The following ABR variants were observed in gnomAD, a reference collection of about 807,000 sequenced individuals.
The protein encoded by ABR is active breakpoint cluster region-related protein.
Under a neutral mutation model 107.2 loss-of-function variants are expected in ABR, and 35 were observed. The observed-to-expected ratio is 0.33, with a 90% confidence interval of 0.25 to 0.43. ABR has a LOEUF of 0.43. Among genes scored for constraint, ABR ranks in the 20% least tolerant of loss-of-function variants. The pLI is 1.00. For missense variants in ABR, 815 were observed against 1,115.2 expected, an observed-to-expected ratio of 0.73 and a Z score of 3.83; for synonymous variants, 498 against 462.0, an observed-to-expected ratio of 1.08 and a Z score of -1.00.
At chr17:1,091,927 G>A (rs1597771111) in intron 3 of ABR, 77 bp from the exon 4 acceptor site, 15 of 1,437,924 alleles carry the variant, frequency 1.0e-5, no homozygotes, top group African/African-American at 1.4e-5. Flanking sequence ...GGGGCCGATC[G>A]TTAGCCCTTC....
chr17:1,183,358 A>G (rs915675321), upstream of ABR, among the ~76,000 whole-genome samples: 1 of 150,232 alleles, frequency 6.7e-6, no homozygotes, highest in Non-Finnish European at 1.5e-5. Context: ...CTCCAACCCC[A>G]GGGTGACCTG....
At chr17:1,175,958 G>A (rs1486982402) in intron 1 of ABR, among the ~76,000 whole-genome samples, 2 of 152,206 alleles carry the variant, frequency 1.3e-5, no homozygotes, top group Non-Finnish European at 2.9e-5. Context: ...GGGCGTGGTG[G>A]CGGGCGCCTG....
chr17:1,072,364 G>A (rs933369439), intron 8 of ABR, among the ~76,000 whole-genome samples: 12 of 151,848 alleles, frequency 7.9e-5, no homozygotes, highest in African/African-American at 2.7e-4. Context: ...GGTGCCGCCC[G>A]TGTGTGAGAG....
At chr17:1,063,779 T>C (rs55847733) in intron 10 of ABR, among the ~76,000 whole-genome samples, 70 of 146,934 alleles carry the variant, frequency 4.8e-4, no homozygotes, top group African/African-American at 1.3e-3. Context: ...ACTGCTGTTA[T>C]GTGAACTGAG....
chr17:1,107,056 T>C (rs73975634), intron 2 of ABR, among the ~76,000 whole-genome samples: 225 of 152,276 alleles, frequency 1.5e-3, no homozygotes, highest in African/African-American at 5.3e-3. Context: ...CCAATGCCGG[T>C]AGAGGAGGGA....
At chr17:1,107,417 C>A (rs1178069458) in intron 2 of ABR, among the ~76,000 whole-genome samples, 1 of 152,240 alleles carries the variant, frequency 6.6e-6, no homozygotes, top group East Asian at 1.9e-4. Context: ...TGGTCCTGGT[C>A]CTCCAGGAGA....
At chr17:1,218,016 G>A (rs1030916346) in intron 1 of ABR, among the ~76,000 whole-genome samples, 10 of 152,130 alleles carry the variant, frequency 6.6e-5, no homozygotes. Flanking sequence ...TTTTAGTGGA[G>A]ACGGGGTTTC....
At chr17:1,220,364 C>G (rs79997435) in intron 1 of ABR, among the ~76,000 whole-genome samples, 46 of 152,248 alleles carry the variant, frequency 3.0e-4, no homozygotes, top group Non-Finnish European at 6.2e-4. Context: ...GGCAGCCTCC[C>G]CTCAGACAGT....
At chr17:1,040,389 G>A (rs1432911020) in intron 16 of ABR, among the ~76,000 whole-genome samples, 2 of 152,160 alleles carry the variant, frequency 1.3e-5, no homozygotes, top group Admixed American at 6.5e-5. Flanking sequence ...GCTGACAAAG[G>A]CCCCTTGTTT....
At chr17:1,217,088 A>G (rs1400726136) in intron 1 of ABR, among the ~76,000 whole-genome samples, 1 of 152,150 alleles carries the variant, frequency 6.6e-6, no homozygotes, top group African/African-American at 2.4e-5. Context: ...TGCTGTCAGC[A>G]GGAGTGGGCT....
chr17:1,139,128 A>G (rs1414380319), intron 1 of ABR, among the ~76,000 whole-genome samples: 1 of 152,170 alleles, frequency 6.6e-6, no homozygotes, highest in Non-Finnish European at 1.5e-5. Flanking sequence ...TTTTCCTTCA[A>G]CCTTGCTCTA....
At chr17:1,034,627 C>A (rs1334791124) in intron 16 of ABR, among the ~76,000 whole-genome samples, 1 of 152,024 alleles carries the variant, frequency 6.6e-6, no homozygotes, top group African/African-American at 2.4e-5. Context: ...GGCCATCCAC[C>A]CTCACTGGGT....
intron 10 of ABR, among the ~76,000 whole-genome samples, chr17:1,062,032 A>T (rs554066715): frequency 6.6e-6 from 1 of 152,302 alleles, no homozygotes; most frequent in African/African-American, 2.4e-5. Flanking sequence ...GCACCCAACC[A>T]AGACTGTGGT....
At chr17:1,142,600 A>T (rs562827324) in intron 1 of ABR, among the ~76,000 whole-genome samples, 1 of 152,092 alleles carries the variant, frequency 6.6e-6, no homozygotes, top group South Asian at 2.1e-4. Context: ...AAAAAAAAAA[A>T]ATACTCTGAA....
chr17:1,102,801 C>T (rs970095238), intron 2 of ABR, among the ~76,000 whole-genome samples: 2 of 152,174 alleles, frequency 1.3e-5, no homozygotes, highest in African/African-American at 4.8e-5. Context: ...ACCTCTGCCT[C>T]CCAGGTTCAA....
intron 1 of ABR, among the ~76,000 whole-genome samples, chr17:1,196,781 G>A (rs1332865992): frequency 1.3e-5 from 2 of 149,994 alleles, no homozygotes; most frequent in Non-Finnish European, 2.9e-5. Context: ...CGCAAGCTCC[G>A]CCTCCCGGGT....
At chr17:1,145,459 G>T (rs1026881619) in intron 1 of ABR, among the ~76,000 whole-genome samples, 1 of 152,176 alleles carries the variant, frequency 6.6e-6, no homozygotes, top group African/African-American at 2.4e-5. Flanking sequence ...TTTCCCTGTG[G>T]GAAATGCCAC....
intron 4 of ABR, 180 bp from the exon 5 acceptor site, chr17:1,083,807 A>G: frequency 1.7e-6 from 1 of 583,832 alleles, no homozygotes; most frequent in Non-Finnish European, 3.1e-6. Flanking sequence ...TGAACTGGAC[A>G]GTTTCCATGG....
exon 1 of ABR, among the ~76,000 whole-genome samples, chr17:1,229,546 G>A (rs2043296995): frequency 6.6e-6 from 1 of 151,948 alleles, no homozygotes; most frequent in East Asian, 1.9e-4. Context: ...TCCGCGTCCC[G>A]CACCGACTCC....
Sources: allele counts gnomAD v4.1 joint callset (sites outside exome capture counted in the v4.1 genomes callset), GRCh38; gene constraint gnomAD v4.1.1; transcripts MANE v1.5; gene names NCBI Gene and HGNC (gene_info 2026-07-23, HGNC 2026-07-21).